The following EFNA5 variants were observed in gnomAD, a reference collection of about 807,000 sequenced individuals.
The protein encoded by EFNA5 is ephrin A5.
In EFNA5, 5 loss-of-function variants were observed where a neutral mutation model predicts 22.9. The ratio of observed to expected loss-of-function variants is 0.22; its 90% confidence interval spans 0.11 to 0.46. The LOEUF (loss-of-function observed/expected upper bound fraction) is 0.46. Among genes scored for constraint, EFNA5 ranks in the 20% least tolerant of loss-of-function variants. The pLI is 0.99. For synonymous variants in EFNA5, 113 were observed against 112.2 expected (o/e 1.01, Z -0.04); for missense variants, 237 against 293.3 (o/e 0.81, Z 1.40).
chr5:107,555,527 T>A (rs1244686536), intron 1 of EFNA5, among the ~76,000 whole-genome samples: 1 of 152,210 alleles, frequency 6.6e-6, no homozygotes, highest in East Asian at 1.9e-4. Flanking sequence ...TTACTTCTCA[T>A]CTAGTCATCT....
chr5:107,380,602 TAG>T lies in EFNA5; in HGVS notation c.*651_*652del. 1 of 372,424 alleles carries T rather than the reference TAG, an allele frequency of 2.7e-6. No individual in the cohort carries two copies. Among genetic ancestry groups the T allele is most frequent in the Non-Finnish European group, 4.8e-6 (1 of 210,476 alleles). The allele number at this position is 372,424 out of a possible 1,614,324, so 23.1% of individuals were successfully genotyped here. ...CTAGAAAAAAAAAAAAGGCTTCTTT[TAG>T]AGAGCACAAGTTTTGCTGTCAAGAA... On this transcript the variant is annotated 3_prime_UTR_variant, in exon 5 of 5. Coordinates refer to ENST00000333274, the MANE Select transcript of EFNA5 (RefSeq NM_001962.3).
chr5:107,381,304 C>T lies in EFNA5; in HGVS notation c.638G>A (p.Arg213His), dbSNP rs753480388. ...GAGGAACAGTAGGATTGCCAAAAGGCGGCTGGGTATCCTTGGTGTTTGTGC... is the reference window on the plus strand; with the variant it reads ...GAGGAACAGTAGGATTGCCAAAAGGTGGCTGGGTATCCTTGGTGTTTGTGC... ...NAAQTPRIPS[R>H]LLAILLFLLA... Residue 213 changes from arginine to histidine, a missense_variant, in exon 5 of 5, where the codon CGC becomes CAC. By Grantham distance (29) the Arg-to-His change is conservative. Transcript: ENST00000333274. The T allele has an allele frequency of 1.1e-5, 17 of 1,613,896 alleles. No homozygotes were observed. Among genetic ancestry groups the T allele is most frequent in the East Asian group, 4.5e-5 (2 of 44,862 alleles).
At chr5:107,388,643 A>C (rs1747701903) in intron 2 of EFNA5, 1 of 152,200 alleles carries the variant, frequency 6.6e-6, no homozygotes, top group African/African-American at 2.4e-5. Context: ...CAAGGGCAGT[A>C]AGGCCCTTAA....
intron 1 of EFNA5, among the ~76,000 whole-genome samples, chr5:107,510,788 T>C (rs1747352050): frequency 6.6e-6 from 1 of 152,108 alleles, no homozygotes; most frequent in South Asian, 2.1e-4. Flanking sequence ...CTCAAAAAAG[T>C]TGTGATCAGT....
chr5:107,400,911 ATTTG>A (rs1179828580), intron 2 of EFNA5, among the ~76,000 whole-genome samples: 2 of 152,158 alleles, frequency 1.3e-5, no homozygotes, highest in African/African-American at 4.8e-5. Context: ...TTATTGAGAG[ATTTG>A]TTTACTATTT....
At chr5:107,477,528 C>G (rs538349670) in intron 1 of EFNA5, among the ~76,000 whole-genome samples, 1 of 152,300 alleles carries the variant, frequency 6.6e-6, no homozygotes, top group Non-Finnish European at 1.5e-5. Context: ...GGATCTCTGG[C>G]AATTACATTT....
chr5:107,549,681 A>T (rs1748242799), intron 1 of EFNA5, among the ~76,000 whole-genome samples: 1 of 152,208 alleles, frequency 6.6e-6, no homozygotes, highest in Non-Finnish European at 1.5e-5. Context: ...CAGTGGTAAG[A>T]GGGAAGGGAG....
At chr5:107,413,911 C>T (rs369160217) in intron 2 of EFNA5, among the ~76,000 whole-genome samples, 156 of 152,246 alleles carry the variant, frequency 1.0e-3, no homozygotes, top group African/African-American at 3.7e-3. Flanking sequence ...TAGTCTCTCC[C>T]TAACCAGAGC....
intron 2 of EFNA5, among the ~76,000 whole-genome samples, chr5:107,414,007 C>A (rs1482940413): frequency 6.6e-6 from 1 of 152,182 alleles, no homozygotes; most frequent in Non-Finnish European, 1.5e-5. Context: ...TCCATTTAAT[C>A]AAATCCTCTA....
chr5:107,465,315 C>T (rs1190861763), intron 1 of EFNA5, among the ~76,000 whole-genome samples: 1 of 152,148 alleles, frequency 6.6e-6, no homozygotes, highest in Non-Finnish European at 1.5e-5. Flanking sequence ...GGTTACCTAA[C>T]ATGACAACCC....
At position 107,670,694 on chromosome 5, in the gene EFNA5, G is replaced by A; in HGVS notation, c.-81C>T. ...TCCGGAGGGAGGGAGGCAGGCAAAGGGACAGAGAGAGAGCGGGCGCCAAAT... is the reference window on the plus strand; with the variant it reads ...TCCGGAGGGAGGGAGGCAGGCAAAGAGACAGAGAGAGAGCGGGCGCCAAAT... On this transcript the variant is annotated 5_prime_UTR_variant, in exon 1 of 5. Coordinates refer to ENST00000333274, the MANE Select transcript of EFNA5 (RefSeq NM_001962.3). The A allele has an allele frequency of 6.5e-7, 1 of 1,533,846 alleles. No individual in the cohort carries two copies. Among genetic ancestry groups the A allele is most frequent in the Non-Finnish European group, 8.8e-7 (1 of 1,142,078 alleles).
rs1284149346 is a variant in EFNA5 at position 107,634,483 on chromosome 5, T to C, written c.125+36006A>G. 3.5e-5 allele frequency among the ~76,000 whole-genome samples: 4 copies of C among 112,742 alleles called. 2 individuals carry two copies. The highest frequency in any genetic ancestry group is 8.8e-5 in the Non-Finnish European group (4 of 45,698). 74.0% of individuals were successfully genotyped at this position (112,742 alleles called of 152,430 possible). A position where few individuals can be genotyped will look rare whatever the true frequency, so the allele number is the denominator to read the frequency against. ...GTTAGCTATGATGGCGCCACTGCAC[T>C]GTAGCCTGGACAACAAATGAGATCC... is the stretch of plus-strand genomic sequence containing the variant. On this transcript the variant is annotated intron_variant, in intron 1 of 4. Coordinates refer to ENST00000333274, the MANE Select transcript of EFNA5 (RefSeq NM_001962.3).
At chr5:107,622,562 G>A (rs1750056932) in intron 1 of EFNA5, among the ~76,000 whole-genome samples, 1 of 152,100 alleles carries the variant, frequency 6.6e-6, no homozygotes, top group African/African-American at 2.4e-5. Flanking sequence ...ACCACTTACT[G>A]AATATCTCCA....
At chr5:107,670,315 G>A (rs173351) in intron 1 of EFNA5, among the ~76,000 whole-genome samples, 174 bp downstream of exon 1, 2 of 152,162 alleles carry the variant, frequency 1.3e-5, no homozygotes, top group African/African-American at 4.8e-5. Context: ...GCTTAACAAA[G>A]AGGGGCGCGA....
chr5:107,511,030 G>T (rs1475984556), intron 1 of EFNA5, among the ~76,000 whole-genome samples: 1 of 151,548 alleles, frequency 6.6e-6, no homozygotes, highest in Non-Finnish European at 1.5e-5. Context: ...GTGTGTGTGT[G>T]TGTGTGTGTG....
intron 1 of EFNA5, among the ~76,000 whole-genome samples, chr5:107,483,401 G>A (rs1750539170): frequency 6.6e-6 from 1 of 152,176 alleles, no homozygotes; most frequent in Admixed American, 6.5e-5. Flanking sequence ...ACATCTTCCC[G>A]AATCCTAGCT....
chr5:107,475,428 G>T (rs999894676), intron 1 of EFNA5, among the ~76,000 whole-genome samples: 1 of 152,170 alleles, frequency 6.6e-6, no homozygotes, highest in African/African-American at 2.4e-5. Context: ...ACTGCAAAAG[G>T]TTTTGGGAGA....
At chr5:107,451,565 C>T (rs152585) in intron 1 of EFNA5, among the ~76,000 whole-genome samples, 53,068 of 151,630 alleles carry the variant, frequency 0.35, 9,342 homozygotes, top group East Asian at 0.53. Context: ...GATAGATAGA[C>T]AGATAATCTA....
intron 1 of EFNA5, among the ~76,000 whole-genome samples, chr5:107,537,806 G>A (rs543626399): frequency 2.0e-5 from 3 of 152,194 alleles, no homozygotes; most frequent in Middle Eastern, 3.4e-3. Flanking sequence ...CAAACATCAC[G>A]CTAATTACTG....
Sources: allele counts gnomAD v4.1 joint callset (sites outside exome capture counted in the v4.1 genomes callset), GRCh38; gene constraint gnomAD v4.1.1; transcripts MANE v1.5; gene names NCBI Gene and HGNC (gene_info 2026-07-23, HGNC 2026-07-21).